Variants in RAB28 observed in about 807,000 individuals in gnomAD.
RAB28 encodes ras-related protein Rab-28.
In RAB28, 24 loss-of-function variants were observed where a neutral mutation model predicts 31.7. The observed-to-expected ratio is 0.76, with a 90% CI of 0.55 to 1.06. The LOEUF is 1.06. RAB28 is among the 50% of genes least tolerant of loss of function. The pLI, the probability that RAB28 is intolerant of heterozygous loss-of-function variation, is 0.00. For missense variants in RAB28, 254 were observed against 258.5 expected (o/e 0.98, Z 0.12); for synonymous variants, 100 against 90.4 (o/e 1.11, Z -0.60).
chr4:13,474,527 T>G, intron 2 of RAB28, 121 bp from the exon 3 acceptor site: 1 of 548,326 alleles, frequency 1.8e-6, no homozygotes, highest in East Asian at 3.1e-5. Flanking sequence ...CCAATTTGCC[T>G]TTATGTGCAG....
intron 4 of RAB28, among the ~76,000 whole-genome samples, chr4:13,438,515 A>T (rs1560293335): frequency 6.6e-6 from 1 of 152,190 alleles, no homozygotes; most frequent in Non-Finnish European, 1.5e-5. Flanking sequence ...TTATAAATAG[A>T]ATCATGAAAT....
chr4:13,468,598 T>C (rs1487981292), intron 3 of RAB28, among the ~76,000 whole-genome samples: 3 of 151,548 alleles, frequency 2.0e-5, no homozygotes, highest in African/African-American at 4.8e-5. Context: ...GTGTTTAGCA[T>C]TGAATGCATA....
intron 5 of RAB28, among the ~76,000 whole-genome samples, chr4:13,378,313 C>T (rs1159014231): frequency 6.6e-6 from 1 of 152,064 alleles, no homozygotes; most frequent in South Asian, 2.1e-4. Flanking sequence ...ATTTATGTTG[C>T]TACTTAATAA....
At chr4:13,451,089 G>A (rs1714944744) in intron 4 of RAB28, among the ~76,000 whole-genome samples, 1 of 151,780 alleles carries the variant, frequency 6.6e-6, no homozygotes, top group Non-Finnish European at 1.5e-5. Flanking sequence ...GCAAGTCTAG[G>A]CAGGAAGACC....
chr4:13,423,659 G>A (rs1327949898), intron 4 of RAB28, among the ~76,000 whole-genome samples: 1 of 152,172 alleles, frequency 6.6e-6, no homozygotes, highest in Non-Finnish European at 1.5e-5. Context: ...AGCTTCAACA[G>A]ACACTGTAGG....
intron 4 of RAB28, among the ~76,000 whole-genome samples, chr4:13,435,071 G>GAA (rs1560291873): frequency 6.7e-6 from 1 of 148,404 alleles, no homozygotes; most frequent in African/African-American, 2.5e-5. Context: ...ATACAAAGAG[G>GAA]AACTCTCAAA....
intron 4 of RAB28, among the ~76,000 whole-genome samples, chr4:13,382,298 CTTTA>C (rs906711930): frequency 2.6e-5 from 4 of 152,160 alleles, no homozygotes; most frequent in African/African-American, 9.6e-5. Flanking sequence ...AAATGTGATC[CTTTA>C]TTTAACAGTT....
chr4:13,402,140 T>C (rs1711800924), intron 4 of RAB28, among the ~76,000 whole-genome samples: 1 of 152,232 alleles, frequency 6.6e-6, no homozygotes, highest in Admixed American at 6.5e-5. Context: ...TTGTTAATGT[T>C]CTTTTTATAT....
At chr4:13,392,840 CAT>C (rs1236905134) in intron 4 of RAB28, among the ~76,000 whole-genome samples, 5 of 152,128 alleles carry the variant, frequency 3.3e-5, no homozygotes, top group African/African-American at 7.2e-5. Flanking sequence ...TATTTAAAAA[CAT>C]AATGCTGTAA....
chr4:13,401,455 C>T (rs1031073426), intron 4 of RAB28, among the ~76,000 whole-genome samples: 1 of 152,024 alleles, frequency 6.6e-6, no homozygotes, highest in South Asian at 2.1e-4. Flanking sequence ...CAGCAAACCA[C>T]TATGGCATGT....
chr4:13,477,740 C>G (rs1314380995), intron 2 of RAB28, among the ~76,000 whole-genome samples: 2 of 150,750 alleles, frequency 1.3e-5, no homozygotes, highest in Non-Finnish European at 3.0e-5. Flanking sequence ...GTATACATGC[C>G]CTAATGTCAT....
At position 13,421,879 on chromosome 4, in the gene RAB28, G is replaced by A. The variant is rs555275472; in HGVS notation, c.391+38820C>T. Among the ~76,000 whole-genome samples the A allele has an allele frequency of 4.6e-3, 694 of 152,140 alleles. 6 individuals are homozygous for A. The highest frequency in any genetic ancestry group is 0.016 in the African/African-American group (661 of 41,522). ...GACTAAAACACCAAAAGCGATGGCA[G>A]CAAAAGCCAAAATTGACAAATGGGA... On this transcript the variant is annotated intron_variant, in intron 4 of 6. Transcript: ENST00000330852.
At chr4:13,376,422 C>A in intron 6 of RAB28, 123 bp downstream of exon 6, 1 of 617,260 alleles carries the variant, frequency 1.6e-6, no homozygotes, top group Non-Finnish European at 2.7e-6. Context: ...TACATACAAT[C>A]TATTCCCAAA....
chr4:13,448,473 C>T (rs1053583885), intron 4 of RAB28, among the ~76,000 whole-genome samples: 1 of 151,914 alleles, frequency 6.6e-6, no homozygotes, highest in Non-Finnish European at 1.5e-5. Flanking sequence ...CCACAAAAAC[C>T]ATAATATTGC....
At chr4:13,417,416 G>T (rs1712846372) in intron 4 of RAB28, among the ~76,000 whole-genome samples, 1 of 152,224 alleles carries the variant, frequency 6.6e-6, no homozygotes, top group Non-Finnish European at 1.5e-5. Flanking sequence ...TTTGAGCTCT[G>T]AAAATGGACA....
intron 1 of RAB28, among the ~76,000 whole-genome samples, chr4:13,483,413 C>G (rs1221728748): frequency 6.6e-6 from 1 of 152,158 alleles, no homozygotes; most frequent in Non-Finnish European, 1.5e-5. Flanking sequence ...GAGTGCTGAG[C>G]TGGAAACAGA....
At chr4:13,446,327 G>GC (rs1714693307) in intron 4 of RAB28, among the ~76,000 whole-genome samples, 1 of 152,186 alleles carries the variant, frequency 6.6e-6, no homozygotes, top group Admixed American at 6.5e-5. Flanking sequence ...GATCCACTGA[G>GC]CAAGATCGCT....
rs1712509435 is a variant in RAB28 at position 13,412,662 on chromosome 4, TAC to T, written c.392-31070_392-31069del. Reference sequence around the variant, plus strand: ...AATACAGGAATCAGCACAGACTTTATACAAAGGCACAACAAGAAAACAAAAAG... The same window carrying T: ...AATACAGGAATCAGCACAGACTTTATAAAGGCACAACAAGAAAACAAAAAG... On this transcript the variant is annotated intron_variant, in intron 4 of 6. Transcript: ENST00000330852. 5.3e-5 allele frequency among the ~76,000 whole-genome samples: 8 copies of T among 151,898 alleles called. No homozygotes were observed. In the South Asian group the frequency reaches 1.7e-3, roughly 32 times the overall value.
chr4:13,428,944 C>CTT (rs35547595), intron 4 of RAB28, among the ~76,000 whole-genome samples: 1,370 of 133,494 alleles, frequency 0.01, 21 homozygotes, highest in African/African-American at 0.023. Flanking sequence ...TCTAATTTCA[C>CTT]TTTTTTTTTT....
Sources: allele counts gnomAD v4.1 joint callset (sites outside exome capture counted in the v4.1 genomes callset), GRCh38; gene constraint gnomAD v4.1.1; transcripts MANE v1.5; gene names NCBI Gene and HGNC (gene_info 2026-07-23, HGNC 2026-07-21).